SAMSN1: variants seen among roughly 807,000 people sequenced by gnomAD.
SAMSN1 encodes SAM domain, SH3 domain and nuclear localization signals 1.
Under a neutral mutation model 42.0 loss-of-function variants are expected in SAMSN1, and 31 were observed. The observed-to-expected ratio is 0.74, with a 90% CI of 0.55 to 1.00. SAMSN1 has a LOEUF of 1.00. Among genes scored for constraint, SAMSN1 ranks in the 50% least tolerant of loss-of-function variants. The probability of loss-of-function intolerance (pLI) is 0.00; values close to 1 mark genes in which losing one functional copy is unlikely to be tolerated. For synonymous variants in SAMSN1, 178 were observed against 151.9 expected (o/e 1.17, Z -1.26); for missense variants, 464 against 439.4 (o/e 1.06, Z -0.50).
intron 2 of SAMSN1, among the ~76,000 whole-genome samples, chr21:14,566,050 TA>T (rs888443717): frequency 2.0e-5 from 3 of 152,306 alleles, no homozygotes; most frequent in South Asian, 2.1e-4. Flanking sequence ...AGTAAAGACA[TA>T]ATCTTACCTT....
At chr21:14,568,948 A>G (rs1981202880) in intron 2 of SAMSN1, among the ~76,000 whole-genome samples, 1 of 152,142 alleles carries the variant, frequency 6.6e-6, no homozygotes, top group Non-Finnish European at 1.5e-5. Flanking sequence ...CAAAATAACA[A>G]AATTAACCAG....
exon 2 of SAMSN1, chr21:14,582,281 T>C: frequency 6.4e-7 from 1 of 1,550,832 alleles, no homozygotes; most frequent in Non-Finnish European, 8.7e-7. Flanking sequence ...AGGCTTCCAG[T>C]GATGCCACAT....
intron 3 of SAMSN1, among the ~76,000 whole-genome samples, chr21:14,615,740 C>T (rs1479138284): frequency 6.6e-6 from 1 of 151,814 alleles, no homozygotes; most frequent in Non-Finnish European, 1.5e-5. Flanking sequence ...CATGTTTCTT[C>T]TGAAAAATTT....
chr21:14,651,930 C>T (rs1353764609), intron 1 of SAMSN1, among the ~76,000 whole-genome samples: 1 of 151,872 alleles, frequency 6.6e-6, no homozygotes, highest in Non-Finnish European at 1.5e-5. Context: ...ACTAGCCACA[C>T]ATAAAATTAA....
Position 14,535,172 on chromosome 21 carries a change from T to C in SAMSN1, c.57+11033A>G, listed in dbSNP as rs13047806. Reference sequence around the variant, plus strand: ...TTTTATAAAACACCCCAGATGATTTTAATATTAGGTTGGTGCAAAAGTAAT... The same window carrying C: ...TTTTATAAAACACCCCAGATGATTTCAATATTAGGTTGGTGCAAAAGTAAT... On this transcript the variant is annotated intron_variant, in intron 1 of 7. Coordinates refer to ENST00000400566, the MANE Select transcript of SAMSN1 (RefSeq NM_022136.5). Among the ~76,000 whole-genome samples, 192 of 152,330 alleles carry C rather than the reference T, an allele frequency of 1.3e-3. 2 individuals carry two copies. Among genetic ancestry groups the C allele is most frequent in the Admixed American group, 4.9e-3 (75 of 15,302 alleles).
chr21:14,490,144 C>T (rs991219414), intron 7 of SAMSN1, among the ~76,000 whole-genome samples: 3 of 152,096 alleles, frequency 2.0e-5, no homozygotes, highest in African/African-American at 7.2e-5. Flanking sequence ...CCTTAGCTTT[C>T]TTTGGGTGAA....
chr21:14,559,094 T>G (rs1980857118), intron 2 of SAMSN1, among the ~76,000 whole-genome samples: 2 of 152,248 alleles, frequency 1.3e-5, no homozygotes, highest in South Asian at 4.1e-4. Flanking sequence ...TTGACTTGAA[T>G]TTGCCAACTC....
At chr21:14,491,699 T>C (rs1264237009) in intron 7 of SAMSN1, among the ~76,000 whole-genome samples, 1 of 152,224 alleles carries the variant, frequency 6.6e-6, no homozygotes, top group Non-Finnish European at 1.5e-5. Context: ...TCATTTCCCA[T>C]GAAGCCTCCC....
intron 2 of SAMSN1, among the ~76,000 whole-genome samples, chr21:14,620,884 T>C (rs1240460247): frequency 1.3e-5 from 2 of 152,228 alleles, no homozygotes; most frequent in South Asian, 4.1e-4. Context: ...AACACACATA[T>C]AAATTCCTAT....
chr21:14,556,367 C>A (rs1244251953), intron 2 of SAMSN1, among the ~76,000 whole-genome samples: 1 of 151,980 alleles, frequency 6.6e-6, no homozygotes, highest in Non-Finnish European at 1.5e-5. Context: ...AGTTTAATTA[C>A]AAATAAATAG....
chr21:14,648,685 G>A lies in SAMSN1; in HGVS notation c.25-5552C>T, dbSNP rs1332596887. On this transcript the variant is annotated intron_variant, in intron 1 of 15. Coordinates refer to the SAMSN1 transcript ENST00000647101. ...CATGAAAAAATGCTCATCATCACTG[G>A]CCATCAGAGAAATGCAAATCAAAAC... is the stretch of plus-strand genomic sequence containing the variant. Among the ~76,000 whole-genome samples, 9 of 150,854 alleles carry A rather than the reference G, an allele frequency of 6.0e-5. No homozygotes were observed. In the East Asian group the frequency reaches 1.7e-3, roughly 29 times the overall value.
chr21:14,606,816 C>G (rs1982581942), intron 5 of SAMSN1, among the ~76,000 whole-genome samples: 1 of 152,172 alleles, frequency 6.6e-6, no homozygotes, highest in Non-Finnish European at 1.5e-5. Context: ...ATCTGGAACT[C>G]AGCTTATTCT....
intron 2 of SAMSN1, among the ~76,000 whole-genome samples, chr21:14,558,698 AAAC>A (rs139708204): frequency 3.3e-5 from 5 of 151,864 alleles, no homozygotes; most frequent in Admixed American, 1.3e-4. Flanking sequence ...ACAAAAACAA[AAAC>A]AACAACAACA....
At chr21:14,650,398 A>G (rs1185182686) in intron 1 of SAMSN1, among the ~76,000 whole-genome samples, 1 of 152,186 alleles carries the variant, frequency 6.6e-6, no homozygotes, top group African/African-American at 2.4e-5. Flanking sequence ...TGGAAACTAT[A>G]CAACATGGAA....
At chr21:14,496,725 C>T (rs749179832) in intron 7 of SAMSN1, among the ~76,000 whole-genome samples, 12 of 152,200 alleles carry the variant, frequency 7.9e-5, no homozygotes, top group Non-Finnish European at 1.6e-4. Context: ...TCTGTGACCA[C>T]ATCTCCCTCT....
At chr21:14,629,193 A>T (rs932705426) in intron 2 of SAMSN1, among the ~76,000 whole-genome samples, 5 of 152,188 alleles carry the variant, frequency 3.3e-5, no homozygotes, top group Admixed American at 1.3e-4. Context: ...ACTCAGAAAG[A>T]ACACCCTTCT....
chr21:14,655,535 T>C (rs538607899), intron 1 of SAMSN1, among the ~76,000 whole-genome samples: 2 of 151,976 alleles, frequency 1.3e-5, no homozygotes, highest in African/African-American at 4.8e-5. Flanking sequence ...AATATTTTGA[T>C]ACAGATTAAA....
chr21:14,563,367 C>A (rs966780851), intron 2 of SAMSN1, among the ~76,000 whole-genome samples: 1 of 152,210 alleles, frequency 6.6e-6, no homozygotes, highest in South Asian at 2.1e-4. Flanking sequence ...TTTAACATGA[C>A]TTCACTTTGT....
Position 14,560,316 on chromosome 21 carries a change from T to A in SAMSN1, c.261+21820A>T, listed in dbSNP as rs191883331. On this transcript the variant is annotated intron_variant, in intron 2 of 8. Transcript: ENST00000285670. ...ATGAAATTGTTTGGTACTGAAACCA[T>A]CTTTGCAAGATTATGGCAGCAAGAA... Among the ~76,000 whole-genome samples, 560 of 152,306 alleles carry A rather than the reference T, an allele frequency of 3.7e-3. 8 individuals carry two copies. The highest frequency in any genetic ancestry group is 0.013 in the African/African-American group (548 of 41,586).
Sources: allele counts gnomAD v4.1 joint callset (sites outside exome capture counted in the v4.1 genomes callset), GRCh38; gene constraint gnomAD v4.1.1; transcripts MANE v1.5; gene names NCBI Gene and HGNC (gene_info 2026-07-23, HGNC 2026-07-21).